Variants in PRKCA observed in about 807,000 individuals in gnomAD.
The protein encoded by PRKCA is protein kinase C alpha type.
Under a neutral mutation model 87.0 loss-of-function variants are expected in PRKCA, and 27 were observed. The observed-to-expected ratio is 0.31, with a 90% CI of 0.23 to 0.43. PRKCA has a LOEUF of 0.43. PRKCA is among the 20% of genes least tolerant of loss of function. PRKCA has a pLI of 1.00. For synonymous variants in PRKCA, 329 were observed against 311.1 expected (o/e 1.06, Z -0.61); for missense variants, 518 against 852.3 (o/e 0.61, Z 4.88).
At chr17:66,767,442 C>A (rs1323876866) in intron 13 of PRKCA, among the ~76,000 whole-genome samples, 4 of 152,006 alleles carry the variant, frequency 2.6e-5, no homozygotes, top group Non-Finnish European at 5.9e-5. Context: ...CATTTGGTGC[C>A]CAGAAGGTGG....
intron 2 of PRKCA, among the ~76,000 whole-genome samples, chr17:66,458,915 T>G (rs1382973096): frequency 2.6e-5 from 4 of 152,208 alleles, no homozygotes. Context: ...AAATGCTAAC[T>G]GTGTGCCAAC....
At chr17:66,725,848 A>C (rs1040581620) in intron 8 of PRKCA, among the ~76,000 whole-genome samples, 8 of 151,752 alleles carry the variant, frequency 5.3e-5, no homozygotes, top group African/African-American at 1.7e-4. Flanking sequence ...ATGTGTGTTA[A>C]GTTCCCCAGA....
At chr17:66,516,256 TACCAGGGGC>T (rs1487262711) in intron 3 of PRKCA, among the ~76,000 whole-genome samples, 1 of 152,034 alleles carries the variant, frequency 6.6e-6, no homozygotes, top group Non-Finnish European at 1.5e-5. Context: ...AAACTGGTAT[TACCAGGGGC>T]ACTTGGGAGG....
rs556839259 is a variant in PRKCA at position 66,414,085 on chromosome 17, CTATT to C, written c.206-82112_206-82109del. On this transcript the variant is annotated intron_variant, in intron 2 of 16. Transcript: ENST00000413366. ...ATAGATAGGGACGTAATTTCCCTAT[CTATT>C]TATAAGGGTTTCAGGAGCTCTACAT... Among the ~76,000 whole-genome samples the C allele has an allele frequency of 2.5e-3, 377 of 151,934 alleles. 1 individual carries two copies. Among genetic ancestry groups the C allele is most frequent in the Admixed American group, 4.0e-3 (61 of 15,240 alleles).
intron 16 of PRKCA, among the ~76,000 whole-genome samples, chr17:66,802,961 T>A (rs1975933292): frequency 6.6e-6 from 1 of 152,106 alleles, no homozygotes. Context: ...TGCTTCAGAG[T>A]CACCCTGGGC....
At chr17:66,315,414 GT>G (rs1227471219) in intron 2 of PRKCA, among the ~76,000 whole-genome samples, 1 of 152,030 alleles carries the variant, frequency 6.6e-6, no homozygotes, top group Non-Finnish European at 1.5e-5. Context: ...TTTTCTTGAA[GT>G]TTTGTCACAC....
At chr17:66,777,824 G>A (rs1568028112) in intron 14 of PRKCA, 1 of 985,262 alleles carries the variant, frequency 1.0e-6, no homozygotes, top group Non-Finnish European at 1.2e-6. Flanking sequence ...TAGACTCTTG[G>A]CCAGCAGGAG....
At chr17:66,546,795 C>G (rs572466589) in intron 3 of PRKCA, among the ~76,000 whole-genome samples, 35 of 152,204 alleles carry the variant, frequency 2.3e-4, no homozygotes, top group African/African-American at 8.2e-4. Flanking sequence ...TTAGTTTTAC[C>G]TCTTCGTGTT....
rs1166441155 is a variant in PRKCA at position 66,738,872 on chromosome 17, A to C, written c.1322+17A>C. 1.9e-6 allele frequency: 3 copies of C among 1,595,794 alleles called. No individual in the cohort carries two copies. The highest frequency in any genetic ancestry group is 2.6e-6 in the Non-Finnish European group (3 of 1,163,954). ...ACAAGCAGTGTGAGTATTATTTTTT[A>C]AGTCCTTTAATTTGAACAACCAAGT... On this transcript the variant is annotated intron_variant, in intron 11 of 16. Coordinates refer to ENST00000413366, the MANE Select transcript of PRKCA (RefSeq NM_002737.3).
At chr17:66,343,307 C>G (rs1397100097) in intron 2 of PRKCA, among the ~76,000 whole-genome samples, 1 of 152,124 alleles carries the variant, frequency 6.6e-6, no homozygotes, top group Non-Finnish European at 1.5e-5. Flanking sequence ...AATCCATTTC[C>G]TCTCTGCCAT....
rs546285665 is a variant in PRKCA, at chr17:66,659,883, C to T, written c.529+14372C>T. 7.2e-5 allele frequency among the ~76,000 whole-genome samples: 11 copies of T among 152,296 alleles called. No homozygotes were observed. In the South Asian group the frequency reaches 2.3e-3, roughly 32 times the overall value. ...GCCAAGCAAGGAGAATTGAGCAGCT[C>T]GTGCTGATGACTTGAACTGGCAGAT... On this transcript the variant is annotated intron_variant, in intron 5 of 16. Coordinates refer to ENST00000413366, the MANE Select transcript of PRKCA (RefSeq NM_002737.3).
chr17:66,604,677 G>A (rs1970158910), intron 3 of PRKCA, among the ~76,000 whole-genome samples: 1 of 152,188 alleles, frequency 6.6e-6, no homozygotes, highest in Admixed American at 6.5e-5. Flanking sequence ...TTGATTTTGA[G>A]TATGACTTGA....
At chr17:66,685,730 TC>T (rs1330154028) in intron 5 of PRKCA, among the ~76,000 whole-genome samples, 1 of 152,214 alleles carries the variant, frequency 6.6e-6, no homozygotes, top group Non-Finnish European at 1.5e-5. Flanking sequence ...TTTAGGGTTC[TC>T]CCCCTGCCTC....
intron 9 of PRKCA, among the ~76,000 whole-genome samples, chr17:66,733,541 C>T (rs1353705851): frequency 1.3e-5 from 2 of 152,208 alleles, no homozygotes; most frequent in South Asian, 2.1e-4. Flanking sequence ...CCTGTAATCC[C>T]AGTACTTTGG....
chr17:66,333,564 A>G (rs759872714), intron 2 of PRKCA, among the ~76,000 whole-genome samples: 11 of 152,166 alleles, frequency 7.2e-5, no homozygotes, highest in Non-Finnish European at 1.0e-4. Context: ...CATTTTAACT[A>G]GTTTTCAAGT....
intron 5 of PRKCA, among the ~76,000 whole-genome samples, chr17:66,648,521 T>C (rs1324382934): frequency 6.6e-6 from 1 of 152,292 alleles, no homozygotes; most frequent in South Asian, 2.1e-4. Context: ...AAATGGCACA[T>C]GCGGAGAGAA....
At chr17:66,490,465 T>A (rs1024823585) in intron 2 of PRKCA, among the ~76,000 whole-genome samples, 5 of 151,932 alleles carry the variant, frequency 3.3e-5, no homozygotes, top group African/African-American at 9.7e-5. Context: ...TGCCTCAGCC[T>A]CCCAAGTAGT....
chr17:66,754,224 A>G (rs1974497768), intron 13 of PRKCA, among the ~76,000 whole-genome samples: 3 of 152,000 alleles, frequency 2.0e-5, no homozygotes, highest in Admixed American at 2.0e-4. Flanking sequence ...GTTCATATAT[A>G]TATGTATGTG....
intron 2 of PRKCA, among the ~76,000 whole-genome samples, chr17:66,410,312 A>G (rs1207948793): frequency 6.6e-6 from 1 of 152,042 alleles, no homozygotes; most frequent in African/African-American, 2.4e-5. Context: ...TACTGTGAAC[A>G]CTGCAAAAAG....
Sources: allele counts gnomAD v4.1 joint callset (sites outside exome capture counted in the v4.1 genomes callset), GRCh38; gene constraint gnomAD v4.1.1; transcripts MANE v1.5; gene names NCBI Gene and HGNC (gene_info 2026-07-23, HGNC 2026-07-21).